The following ZNF69 variants were observed in gnomAD, a reference collection of about 807,000 sequenced individuals.
The protein encoded by ZNF69 is ZNF3.
Under a neutral mutation model 50.9 loss-of-function variants are expected in ZNF69, and 47 were observed. The ratio of observed to expected loss-of-function variants is 0.92; its 90% CI spans 0.73 to 1.18. ZNF69 has a LOEUF of 1.18. Ranked by LOEUF, ZNF69 falls within the 50% of genes most tolerant of loss-of-function variation. The pLI, the probability that ZNF69 is intolerant of heterozygous loss-of-function variation, is 0.00. For synonymous variants in ZNF69, 216 were observed against 223.1 expected (o/e 0.97, Z 0.29); for missense variants, 717 against 675.1 (o/e 1.06, Z -0.69).
intron 1 of ZNF69, among the ~76,000 whole-genome samples, chr19:11,902,824 G>A (rs1251452390): frequency 2.0e-5 from 3 of 151,850 alleles, no homozygotes; most frequent in African/African-American, 7.3e-5. Context: ...TTAATTCATA[G>A]GACTCTGTCA....
chr19:11,909,623 T>G (rs916452517), downstream of ZNF69, among the ~76,000 whole-genome samples: 2 of 152,178 alleles, frequency 1.3e-5, no homozygotes, highest in Non-Finnish European at 2.9e-5. Context: ...CCACAGCCCT[T>G]TATGCTAAAA....
At chr19:11,945,588 G>A in the ZNF69 span, among the ~76,000 whole-genome samples, 5 of 152,184 alleles carry the variant, frequency 3.3e-5, no homozygotes, top group South Asian at 6.2e-4. Flanking sequence ...CTTAACTTCT[G>A]TAGGTACGGG....
chr19:11,934,218 T>C, the ZNF69 span, among the ~76,000 whole-genome samples: 1 of 148,090 alleles, frequency 6.8e-6, no homozygotes, highest in Non-Finnish European at 1.5e-5. Context: ...TTGAGTCTAG[T>C]TTTTGGCAGT....
chr19:11,947,261 C>G, the ZNF69 span: 9 of 1,614,088 alleles, frequency 5.6e-6, no homozygotes, highest in Non-Finnish European at 5.9e-6. Flanking sequence ...AGAAGAATCT[C>G]TTCAGGGAAG....
the ZNF69 span, chr19:11,978,194 C>T: frequency 1.5e-5 from 25 of 1,613,740 alleles, no homozygotes; most frequent in Non-Finnish European, 2.1e-5. Context: ...TTCCAGATGA[C>T]AGGCTGAACT....
At chr19:11,979,501 A>T in the ZNF69 span, 9 of 1,602,088 alleles carry the variant, frequency 5.6e-6, no homozygotes, top group Non-Finnish European at 7.7e-6. Flanking sequence ...CTCCCACGTC[A>T]TTTCAAAGAC....
intron 1 of ZNF69, among the ~76,000 whole-genome samples, chr19:11,890,307 C>T (rs998347533): frequency 6.6e-6 from 1 of 152,188 alleles, no homozygotes; most frequent in Non-Finnish European, 1.5e-5. Context: ...GAGGTCCCTG[C>T]GGCTTTCCGC....
the ZNF69 span, chr19:11,949,462 G>A: frequency 3.7e-6 from 6 of 1,613,090 alleles, no homozygotes; most frequent in Non-Finnish European, 5.1e-6. Flanking sequence ...TAAGGAATGT[G>A]GGAAAGCCTT....
the ZNF69 span, among the ~76,000 whole-genome samples, chr19:11,962,130 G>A: frequency 6.6e-6 from 1 of 152,062 alleles, no homozygotes; most frequent in Admixed American, 6.6e-5. Context: ...ACGAAACTTA[G>A]TGGGAGGACG....
the ZNF69 span, chr19:11,979,799 T>A: frequency 2.5e-6 from 4 of 1,574,714 alleles, no homozygotes; most frequent in Admixed American, 6.8e-5. Flanking sequence ...ACCCTATGAG[T>A]GTAAGGAATG....
At chr19:11,963,118 T>TGTGTGTGTGTGTG in the ZNF69 span, among the ~76,000 whole-genome samples, 1 of 139,148 alleles carries the variant, frequency 7.2e-6, no homozygotes, top group African/African-American at 3.0e-5. Flanking sequence ...TGTGTGTGTG[T>TGTGTGTGTGTGTG]TTTGAGACAG....
At chr19:11,979,100 G>T in the ZNF69 span, 1 of 1,613,818 alleles carries the variant, frequency 6.2e-7, no homozygotes, top group Non-Finnish European at 8.5e-7. Context: ...TCTGGAGAAA[G>T]ACCTTATAAA....
the ZNF69 span, among the ~76,000 whole-genome samples, chr19:11,968,786 G>A: frequency 2.6e-5 from 4 of 152,120 alleles, no homozygotes; most frequent in South Asian, 2.1e-4. Flanking sequence ...TTGGGAGGCC[G>A]AGGCAGGTGG....
chr19:11,974,786 A>G, the ZNF69 span, among the ~76,000 whole-genome samples: 1 of 152,072 alleles, frequency 6.6e-6, no homozygotes, highest in South Asian at 2.1e-4. Context: ...TATTTTTAGT[A>G]GAAATGGAGT....
the ZNF69 span, chr19:11,978,380 C>A: frequency 6.2e-7 from 1 of 1,614,204 alleles, no homozygotes. Context: ...CTAAGAAAGC[C>A]TTCAGATATC....
At chr19:11,890,036 G>A in intron 1 of ZNF69, among the ~76,000 whole-genome samples, 1 of 152,164 alleles carries the variant, frequency 6.6e-6, no homozygotes, top group Non-Finnish European at 1.5e-5. Flanking sequence ...CCTCCCACAG[G>A]GCGGTTTTCT....
rs1568280141 is a variant in ZNF69 at position 11,905,422 on chromosome 19, C to G, written c.1025C>G (p.Ser342Cys). The change falls in exon 4 of 4, where the codon TCC (serine) becomes TGC (cysteine). Residue 342 changes from serine (S) to cysteine (C), a missense_variant. Physicochemically the swap from Ser to Cys is moderately radical, Grantham distance 112. Transcript: ENST00000429654. ...TGTACGCAGTGTGGGAAAGCATTATCCTCTCTTACAAGTTTTCAAACACAC... is the reference window on the plus strand; with the variant it reads ...TGTACGCAGTGTGGGAAAGCATTATGCTCTCTTACAAGTTTTCAAACACAC... ...YECTQCGKAL[S>C]SLTSFQTHIR... The G allele has an allele frequency of 6.2e-6, 10 of 1,614,034 alleles. No homozygotes were observed. In the Admixed American group the frequency reaches 1.2e-4, roughly 19 times the overall value.
chr19:11,925,055 G>T, the ZNF69 span: 6 of 730,442 alleles, frequency 8.2e-6, no homozygotes, highest in South Asian at 6.1e-5. Flanking sequence ...AATCAGAGGT[G>T]CTGGGGCGTG....
chr19:11,950,724 A>G, the ZNF69 span: 1 of 206,106 alleles, frequency 4.9e-6, no homozygotes, highest in Non-Finnish European at 1.0e-5. Context: ...CTTTTTAAAT[A>G]AGAAGGTATA....
Sources: allele counts gnomAD v4.1 joint callset (sites outside exome capture counted in the v4.1 genomes callset), GRCh38; gene constraint gnomAD v4.1.1; transcripts MANE v1.5; gene names NCBI Gene and HGNC (gene_info 2026-07-23, HGNC 2026-07-21).